Variants in RPTOR observed in about 807,000 individuals in gnomAD.
The protein encoded by RPTOR is regulatory-associated protein of mTOR.
Under a neutral mutation model 169.9 loss-of-function variants are expected in RPTOR, and 21 were observed. The observed-to-expected ratio is 0.12, with a 90% CI of 0.09 to 0.18. The LOEUF (loss-of-function observed/expected upper bound fraction) is 0.18, where lower values mean the gene tolerates loss of function less well. Ranked by LOEUF, RPTOR falls within the 10% of genes least tolerant of loss-of-function variation. RPTOR has a pLI of 1.00. For missense variants in RPTOR, 1,133 were observed against 1,855.9 expected, an observed-to-expected ratio of 0.61 and a Z score of 7.16; for synonymous variants, 732 against 753.2, an observed-to-expected ratio of 0.97 and a Z score of 0.46.
At chr17:80,841,993 TCACCC>T in intron 10 of RPTOR, among the ~76,000 whole-genome samples, 3 of 150,250 alleles carry the variant, frequency 2.0e-5, no homozygotes, top group African/African-American at 5.0e-5. Context: ...CAGCTCACTC[TCACCC>T]CACCGCAGCT....
chr17:80,838,192 G>T (rs1400537135), intron 10 of RPTOR, among the ~76,000 whole-genome samples, 195 bp downstream of exon 10: 1 of 152,234 alleles, frequency 6.6e-6, no homozygotes, highest in Non-Finnish European at 1.5e-5. Flanking sequence ...AACTTTGAAA[G>T]AATCAACTTT....
chr17:80,653,770 TC>T (rs2065658752), intron 3 of RPTOR, among the ~76,000 whole-genome samples: 1 of 152,118 alleles, frequency 6.6e-6, no homozygotes, highest in Non-Finnish European at 1.5e-5. Context: ...GCTGGGTCCT[TC>T]CTTTCTGATG....
chr17:80,851,052 C>A (rs890734932), intron 11 of RPTOR, among the ~76,000 whole-genome samples: 3 of 152,240 alleles, frequency 2.0e-5, no homozygotes, highest in Admixed American at 6.5e-5. Flanking sequence ...ACTCAGCCTC[C>A]TGAGTAGCTG....
intron 3 of RPTOR, among the ~76,000 whole-genome samples, chr17:80,684,947 C>T (rs1431094314): frequency 1.3e-5 from 2 of 152,204 alleles, no homozygotes; most frequent in Admixed American, 1.3e-4. Flanking sequence ...TTTGCAATTA[C>T]AGATAATACC....
intron 24 of RPTOR, among the ~76,000 whole-genome samples, chr17:80,933,571 C>A (rs1029729991): frequency 3.3e-5 from 5 of 152,150 alleles, no homozygotes; most frequent in African/African-American, 1.2e-4. Flanking sequence ...GATTCAGCAC[C>A]ATCCCTGGCA....
chr17:80,914,057 G>A (rs2068643466), intron 21 of RPTOR, among the ~76,000 whole-genome samples: 1 of 152,274 alleles, frequency 6.6e-6, no homozygotes, highest in Admixed American at 6.5e-5. Flanking sequence ...CGCTGCCTCT[G>A]TTGCAGGACT....
chr17:80,802,403 C>G (rs2067169893), intron 7 of RPTOR: 1 of 152,202 alleles, frequency 6.6e-6, no homozygotes, highest in African/African-American at 2.4e-5. Flanking sequence ...ACTATCCTGG[C>G]CAACATGGTG....
chr17:80,828,040 T>G (rs2067463681), intron 9 of RPTOR, among the ~76,000 whole-genome samples: 1 of 152,124 alleles, frequency 6.6e-6, no homozygotes, highest in African/African-American at 2.4e-5. Context: ...TGCATGAGCT[T>G]CTGTTTCAGG....
intron 28 of RPTOR, among the ~76,000 whole-genome samples, chr17:80,951,849 G>C (rs8074171): frequency 6.6e-6 from 1 of 152,128 alleles, no homozygotes; most frequent in South Asian, 2.1e-4. Context: ...TCCTACCCGG[G>C]TACGTCGGCC....
At chr17:80,644,332 A>C (rs1381770395) in intron 3 of RPTOR, among the ~76,000 whole-genome samples, 5 of 39,706 alleles carry the variant, frequency 1.3e-4, no homozygotes. Flanking sequence ...TTTTTGGCTT[A>C]TATCTTACAG....
intron 11 of RPTOR, among the ~76,000 whole-genome samples, chr17:80,853,645 C>T (rs1319863231): frequency 6.6e-6 from 1 of 152,138 alleles, no homozygotes; most frequent in African/African-American, 2.4e-5. Context: ...CCAGCATAGC[C>T]ACCATTAAGG....
rs189847662 is a variant in RPTOR, at chr17:80,708,143, C to G, written c.507+144C>G. On this transcript the variant is annotated intron_variant, in intron 4 of 33. Transcript: ENST00000306801. This position sits in a 1 kb window ranked among gnomAD's most constrained non-coding sequence, Gnocchi z 4.2. ...AACAAACCCAAATGCCATAACTGAA[C>G]GGACCAGGTAGTCAGGCACAAGGAG... is the stretch of plus-strand genomic sequence containing the variant. 1.3e-6 allele frequency: 1 copy of G among 788,840 alleles called. No homozygotes were observed. The highest frequency in any genetic ancestry group is 2.9e-5 in the Admixed American group (1 of 35,016). 48.9% of individuals were successfully genotyped at this position (788,840 alleles called of 1,614,324 possible). A position where few individuals can be genotyped will look rare whatever the true frequency, so the allele number is the denominator to read the frequency against.
intron 21 of RPTOR, among the ~76,000 whole-genome samples, chr17:80,916,127 C>T (rs542469129): frequency 8.4e-4 from 128 of 152,292 alleles, no homozygotes; most frequent in African/African-American, 2.9e-3. Flanking sequence ...AGCTCTAACA[C>T]AAACAGGGCT....
At chr17:80,681,428 GC>G (rs1400484159) in intron 3 of RPTOR, among the ~76,000 whole-genome samples, 1 of 152,154 alleles carries the variant, frequency 6.6e-6, no homozygotes, top group African/African-American at 2.4e-5. Context: ...TCCTCATGCC[GC>G]TGCTGTCCCT....
At chr17:80,872,491 C>A (rs575769020) in intron 13 of RPTOR, among the ~76,000 whole-genome samples, 1 of 152,246 alleles carries the variant, frequency 6.6e-6, no homozygotes, top group South Asian at 2.1e-4. Flanking sequence ...TCCTGGGAGA[C>A]CACCCACCCC....
At chr17:80,588,820 G>A (rs1174377320) in intron 1 of RPTOR, among the ~76,000 whole-genome samples, 2 of 152,106 alleles carry the variant, frequency 1.3e-5, no homozygotes, top group African/African-American at 4.8e-5. Context: ...GTGTTTATAT[G>A]TGGAACATTT....
In RPTOR at chr17:80,925,352, C is replaced by G; in HGVS notation, c.2809-18C>G. On this transcript the variant is annotated intron_variant, in intron 23 of 33. Coordinates refer to ENST00000306801, the MANE Select transcript of RPTOR (RefSeq NM_020761.3). ...GGTGTTTCTTTTTCCTTCCAACCCT[C>G]CTGCTTAAACCCTGAAGACTGCGGA... 6.2e-7 allele frequency: 1 copy of G among 1,609,008 alleles called. No homozygotes were observed. The highest frequency in any genetic ancestry group is 2.2e-5 in the East Asian group (1 of 44,858).
chr17:80,925,068 G>A (rs1447393888), intron 23 of RPTOR, among the ~76,000 whole-genome samples: 2 of 152,234 alleles, frequency 1.3e-5, no homozygotes, highest in Non-Finnish European at 2.9e-5. Context: ...ATGGACGCAC[G>A]TGGCATTGTC....
At chr17:80,890,049 T>C (rs1346091815) in intron 17 of RPTOR, among the ~76,000 whole-genome samples, 1 of 142,982 alleles carries the variant, frequency 7.0e-6, no homozygotes, top group Non-Finnish European at 1.5e-5. Flanking sequence ...GGGAGGCCCC[T>C]GTATGCAGCA....
Sources: allele counts gnomAD v4.1 joint callset (sites outside exome capture counted in the v4.1 genomes callset), GRCh38; gene constraint gnomAD v4.1.1; non-coding constraint Gnocchi (gnomAD v3.1); transcripts MANE v1.5; gene names NCBI Gene and HGNC (gene_info 2026-07-23, HGNC 2026-07-21).